ANXA4: variants seen among roughly 807,000 people sequenced by gnomAD.
ANXA4 encodes the protein annexin A4, also known as 35-beta calcimedin.
In ANXA4, 39 loss-of-function variants were observed where a neutral mutation model predicts 49.8. The observed-to-expected ratio is 0.78, with a 90% CI of 0.61 to 1.02. The LOEUF (loss-of-function observed/expected upper bound fraction) is 1.02, where lower values mean the gene tolerates loss of function less well. Among genes scored for constraint, ANXA4 ranks in the 50% least tolerant of loss-of-function variants. ANXA4 has a pLI of 0.00. For synonymous variants in ANXA4, 134 were observed against 152.5 expected, an observed-to-expected ratio of 0.88 and a Z score of 0.89; for missense variants, 360 against 410.1, an observed-to-expected ratio of 0.88 and a Z score of 1.05.
chr2:69,785,858 A>T (rs1672392434), intron 2 of ANXA4, among the ~76,000 whole-genome samples: 1 of 151,984 alleles, frequency 6.6e-6, no homozygotes, highest in African/African-American at 2.4e-5. Flanking sequence ...GAGCTCAAGG[A>T]CCACCCCTTC....
chr2:69,653,583 T>G (rs1676331464), intron 2 of ANXA4, among the ~76,000 whole-genome samples: 1 of 152,162 alleles, frequency 6.6e-6, no homozygotes. Context: ...GCCTAGCAAT[T>G]ACCCCTGGGC....
intron 3 of ANXA4, among the ~76,000 whole-genome samples, chr2:69,796,175 A>G (rs1229782966): frequency 6.6e-6 from 1 of 152,194 alleles, no homozygotes; most frequent in East Asian, 1.9e-4. Context: ...GGTCTTCACC[A>G]CACGCTGGAC....
rs201252133 is a variant in ANXA4 at position 69,816,135 on chromosome 2, C to T, written c.569C>T (p.Thr190Ile). The T allele has an allele frequency of 1.2e-6, 2 of 1,614,132 alleles. No homozygotes were observed. The highest frequency in any genetic ancestry group is 1.7e-6 in the Non-Finnish European group (2 of 1,179,998). The change falls in exon 9 of 13, where the codon ACA becomes ATA. Residue 190 changes from threonine to isoleucine, a missense_variant. Coordinates refer to ENST00000394295, the MANE Select transcript of ANXA4 (RefSeq NM_001153.5). ...GAGGCTGGAGAGAAGAAATGGGGGA[C>T]AGATGAGGTGAAATTTCTAACTGTT... ...LYEAGEKKWG[T>I]DEVKFLTVLC...
At chr2:69,781,030 G>A (rs1378011956) in intron 1 of ANXA4, 5 of 152,758 alleles carry the variant, frequency 3.3e-5, no homozygotes, top group Admixed American at 2.6e-4. Flanking sequence ...ACTGGGAAAC[G>A]AAAAGATTCT....
chr2:69,710,873 C>T lies in ANXA4; in HGVS notation n.767-9901C>T, dbSNP rs560233449. 5.3e-5 allele frequency among the ~76,000 whole-genome samples: 8 copies of T among 152,306 alleles called. No individual in the cohort carries two copies. In the East Asian group the frequency reaches 9.6e-4, roughly 18 times the overall value. ...GGTGGAAATGAAAATGATACAGCCC[C>T]TTTGGAAAACAGTTTATCCAGTGTT... On this transcript the variant is annotated intron_variant and non_coding_transcript_variant, in intron 2 of 3. Coordinates refer to the ANXA4 transcript ENST00000418066.
chr2:69,687,636 G>A (rs144160383), intron 2 of ANXA4, among the ~76,000 whole-genome samples: 233 of 152,330 alleles, frequency 1.5e-3, no homozygotes, highest in African/African-American at 5.3e-3. Flanking sequence ...TAGGGATGGT[G>A]TAGAGATGGT....
Position 69,701,664 on chromosome 2 carries a change from G to T in ANXA4, n.767-19110G>T, listed in dbSNP as rs192604044. Among the ~76,000 whole-genome samples, 4 of 152,232 alleles carry T rather than the reference G, an allele frequency of 2.6e-5. No individual in the cohort carries two copies. The East Asian group carries it at 7.7e-4, about 29-fold the overall frequency. On this transcript the variant is annotated intron_variant and non_coding_transcript_variant, in intron 2 of 3. Transcript: ENST00000418066. ...ACCTTCATTCCCACCACAGCAAGTA[G>T]GTCCAGCCACATTTCCCCCACCCTC... is the stretch of plus-strand genomic sequence containing the variant.
intron 2 of ANXA4, among the ~76,000 whole-genome samples, chr2:69,708,137 ATAAATACT>A (rs1383836775): frequency 6.6e-6 from 1 of 152,230 alleles, no homozygotes; most frequent in African/African-American, 2.4e-5. Flanking sequence ...TTTGCTTTAA[ATAAATACT>A]TAAACACAGC....
chr2:69,787,930 G>A (rs1573255503), intron 2 of ANXA4, 124 bp from the exon 3 acceptor site: 4 of 796,188 alleles, frequency 5.0e-6, no homozygotes, highest in African/African-American at 3.4e-5. Flanking sequence ...GGTCACTACT[G>A]TACCCCTAGC....
intron 3 of ANXA4, among the ~76,000 whole-genome samples, chr2:69,801,645 C>A (rs1352793629): frequency 6.6e-6 from 1 of 152,050 alleles, no homozygotes; most frequent in Non-Finnish European, 1.5e-5. Flanking sequence ...CTCAAGTGAT[C>A]CACCCACCCC....
intron 2 of ANXA4, among the ~76,000 whole-genome samples, chr2:69,696,614 G>A (rs953763183): frequency 4.6e-5 from 7 of 152,144 alleles, no homozygotes; most frequent in Non-Finnish European, 8.8e-5. Flanking sequence ...TCCATCAGAG[G>A]AATCACTATC....
chr2:69,818,619 A>C lies in ANXA4; in HGVS notation c.649A>C (p.Ile217Leu). Residue 217 changes from isoleucine (I) to leucine (L), a missense_variant, in exon 10 of 13, where the codon ATA becomes CTA. By Grantham distance (5) the Ile-to-Leu change is conservative. Transcript: ENST00000394295. ...TGCAGTGTTTGATGAATACAAAAGG[A>C]TATCACAGAAGGATATTGAACAGAG... The part of the protein sequence containing the change: ...LLHVFDEYKR[I>L]SQKDIEQSIK... The C allele has an allele frequency of 6.2e-7, 1 of 1,607,348 alleles. No individual in the cohort carries two copies. Among genetic ancestry groups the C allele is most frequent in the Non-Finnish European group, 8.5e-7 (1 of 1,176,304 alleles).
chr2:69,750,682 G>A (rs1670803926), intron 1 of ANXA4, among the ~76,000 whole-genome samples: 1 of 152,226 alleles, frequency 6.6e-6, no homozygotes, highest in Non-Finnish European at 1.5e-5. Flanking sequence ...CCAAAGTGCT[G>A]GGATGACAAG....
intron 2 of ANXA4, among the ~76,000 whole-genome samples, chr2:69,666,634 C>T (rs905887760): frequency 2.0e-5 from 3 of 152,192 alleles, no homozygotes; most frequent in Non-Finnish European, 4.4e-5. Context: ...AATATTCATA[C>T]AATGCAATAT....
intron 1 of ANXA4, among the ~76,000 whole-genome samples, chr2:69,772,370 G>A (rs551875810): frequency 4.2e-4 from 64 of 152,220 alleles, no homozygotes; most frequent in Non-Finnish European, 1.8e-4. Flanking sequence ...AAAGAATGTC[G>A]GGCAGAGGCT....
chr2:69,804,101 G>A (rs1381507442), intron 3 of ANXA4, among the ~76,000 whole-genome samples: 2 of 139,138 alleles, frequency 1.4e-5, no homozygotes, highest in Admixed American at 1.5e-4. Flanking sequence ...TCGCGCCATT[G>A]CACTCCAGCC....
At chr2:69,777,912 T>C (rs1672025058) in intron 1 of ANXA4, among the ~76,000 whole-genome samples, 1 of 152,218 alleles carries the variant, frequency 6.6e-6, no homozygotes, top group Admixed American at 6.5e-5. Flanking sequence ...ATAATAAATA[T>C]TCTTAGCTTC....
chr2:69,745,572 T>C (rs13028222), intron 1 of ANXA4, among the ~76,000 whole-genome samples: 86,850 of 151,786 alleles, frequency 0.57, 25,790 homozygotes, highest in African/African-American at 0.7. Context: ...TCTCTGTCAC[T>C]CAGGCTGGAG....
At chr2:69,719,656 C>G (rs975340078) in intron 2 of ANXA4, among the ~76,000 whole-genome samples, 3 of 151,998 alleles carry the variant, frequency 2.0e-5, no homozygotes, top group Admixed American at 6.6e-5. Flanking sequence ...CTGGGCTGGT[C>G]TCGAACTCCT....
Sources: gnomAD v4.1 joint callset for allele counts (sites outside exome capture counted in the v4.1 genomes callset) on GRCh38, gnomAD v4.1.1 for gene constraint, MANE v1.5 for transcripts, NCBI Gene and HGNC (gene_info 2026-07-23, HGNC 2026-07-21) for gene names.